Variants in TGIF2 observed in about 807,000 individuals in gnomAD.
TGIF2 encodes TGFB induced factor homeobox 2.
A neutral mutation model predicts 15.1 loss-of-function variants in TGIF2; 5 were observed. The observed-to-expected ratio is 0.33, with a 90% confidence interval of 0.17 to 0.70. TGIF2 has a LOEUF of 0.70. Among genes scored for constraint, TGIF2 ranks in the 30% least tolerant of loss-of-function variants. TGIF2 has a pLI of 0.67. For synonymous variants in TGIF2, 131 were observed against 128.9 expected (o/e 1.02, Z -0.11); for missense variants, 264 against 302.5 (o/e 0.87, Z 0.94).
At chr20:36,579,538 T>A (rs1353110903) in intron 2 of TGIF2, among the ~76,000 whole-genome samples, 1 of 152,154 alleles carries the variant, frequency 6.6e-6, no homozygotes, top group East Asian at 1.9e-4. Flanking sequence ...CATCCTTAAC[T>A]TTGGAGGCCA....
chr20:36,574,271 G>A (rs191508600), intron 1 of TGIF2, among the ~76,000 whole-genome samples: 36 of 152,102 alleles, frequency 2.4e-4, no homozygotes, highest in African/African-American at 8.7e-4. Flanking sequence ...CGAGGCATCT[G>A]TCACTCCCAG....
chr20:36,579,852 T>C (rs1420533876), intron 2 of TGIF2, among the ~76,000 whole-genome samples: 1 of 152,218 alleles, frequency 6.6e-6, no homozygotes, highest in Admixed American at 6.5e-5. Context: ...ACCATGCACA[T>C]GAACACACTC....
intron 2 of TGIF2, among the ~76,000 whole-genome samples, chr20:36,588,568 G>A (rs1195094728): frequency 1.3e-5 from 2 of 151,926 alleles, no homozygotes; most frequent in Admixed American, 1.3e-4. Flanking sequence ...CTCTAGTCAG[G>A]ATTCAGCTCA....
In TGIF2 at chr20:36,591,527, C is replaced by A; in HGVS notation, c.*96C>A. ...CAGAGGGTTTTCTATGGATCACTGC[C>A]AAACATTGGGATCATCTCCTCTGTC... On this transcript the variant is annotated 3_prime_UTR_variant, in exon 3 of 3. Coordinates refer to ENST00000373872, the MANE Select transcript of TGIF2 (RefSeq NM_021809.7). The surrounding 1 kb of genome is among the most constrained non-coding windows in gnomAD (Gnocchi z 5.3). 2 of 1,335,722 alleles carry A rather than the reference C, an allele frequency of 1.5e-6. No individual in the cohort carries two copies. Among genetic ancestry groups the A allele is most frequent in the Non-Finnish European group, 2.1e-6 (2 of 972,538 alleles). 82.7% of individuals were successfully genotyped at this position (1,335,722 alleles called of 1,614,324 possible).
At chr20:36,582,722 C>T (rs1488648000) in intron 2 of TGIF2, among the ~76,000 whole-genome samples, 1 of 152,214 alleles carries the variant, frequency 6.6e-6, no homozygotes, top group Non-Finnish European at 1.5e-5. Context: ...TGGTGGCCAC[C>T]TGCTCTAGAG....
Position 36,584,552 on chromosome 20 carries a change from A to T in TGIF2, c.192+5586A>T, listed in dbSNP as rs578226190. On this transcript the variant is annotated intron_variant, in intron 2 of 2. Transcript: ENST00000373872. ...CATTTTTTCCTGTATTTATTAATTA[A>T]TTTTTTTTTTTTTTGAGACGGAGTC... Among the ~76,000 whole-genome samples the T allele has an allele frequency of 6.9e-3, 1,009 of 145,432 alleles. 10 individuals carry two copies. Among genetic ancestry groups the T allele is most frequent in the African/African-American group, 0.024 (973 of 39,960 alleles).
chr20:36,588,523 G>A (rs951779430), intron 2 of TGIF2, among the ~76,000 whole-genome samples: 1 of 151,942 alleles, frequency 6.6e-6, no homozygotes, highest in Admixed American at 6.6e-5. Context: ...ACCACACCCT[G>A]CTAAGCCCTT....
chr20:36,582,358 A>T (rs2038564293), intron 2 of TGIF2, among the ~76,000 whole-genome samples: 1 of 152,226 alleles, frequency 6.6e-6, no homozygotes, highest in Admixed American at 6.5e-5. Context: ...TATAAAAAAA[A>T]AACCACTTCT....
chr20:36,576,101 A>AAAAG (rs533825772), intron 1 of TGIF2, among the ~76,000 whole-genome samples: 2,329 of 150,124 alleles, frequency 0.016, 26 homozygotes, highest in Non-Finnish European at 0.025. Flanking sequence ...CAAAAAAAAA[A>AAAAG]AAAGAAAGAA....
chr20:36,583,232 C>T (rs554162155), intron 2 of TGIF2, among the ~76,000 whole-genome samples: 3 of 151,698 alleles, frequency 2.0e-5, no homozygotes, highest in Non-Finnish European at 4.4e-5. Flanking sequence ...TGAGATCGCA[C>T]CACTGCACTC....
chr20:36,576,633 A>G (rs2038434800), intron 1 of TGIF2, among the ~76,000 whole-genome samples: 1 of 152,040 alleles, frequency 6.6e-6, no homozygotes, highest in Admixed American at 6.5e-5. Context: ...ATACCATGCA[A>G]TTCACCCATT....
chr20:36,591,979 A>G lies in TGIF2; in HGVS notation c.*548A>G, dbSNP rs2038776083. 1 of 153,844 alleles carries G rather than the reference A, an allele frequency of 6.5e-6. No homozygotes were observed. The highest frequency in any genetic ancestry group is 2.4e-5 in the African/African-American group (1 of 41,428). The allele number at this position is 153,844 out of a possible 1,614,324, so 9.5% of individuals were successfully genotyped here. On this transcript the variant is annotated 3_prime_UTR_variant, in exon 3 of 3. Coordinates refer to ENST00000373872, the MANE Select transcript of TGIF2 (RefSeq NM_021809.7). The surrounding 1 kb of genome is among the most constrained non-coding windows in gnomAD (Gnocchi z 5.3). ...TTGCATTCACGGCAGTAGTTAGCCC[A>G]GGTGTGGGGAACGAGAGTGCACTGC... is the stretch of plus-strand genomic sequence containing the variant.
intron 2 of TGIF2, among the ~76,000 whole-genome samples, chr20:36,589,002 T>C (rs1352220824): frequency 4.6e-5 from 7 of 152,192 alleles, no homozygotes; most frequent in South Asian, 2.1e-4. Context: ...TGGAGGACCA[T>C]AGAGGTGAAG....
rs2038770348 is a variant in TGIF2, at chr20:36,591,574, T to C, written c.*143T>C. The C allele has an allele frequency of 1.0e-5, 10 of 953,620 alleles. No individual in the cohort carries two copies. The highest frequency in any genetic ancestry group is 1.6e-5 in the Non-Finnish European group (10 of 645,010). The allele number at this position is 953,620 out of a possible 1,614,324, so 59.1% of individuals were successfully genotyped here. A position where few individuals can be genotyped will look rare whatever the true frequency, so the allele number is the denominator to read the frequency against. ...TGTCCAGAGGTCTTCAACAGGAAGATGCCAGCTGGCACCACTGCACTGTGA... is the reference window on the plus strand; with the variant it reads ...TGTCCAGAGGTCTTCAACAGGAAGACGCCAGCTGGCACCACTGCACTGTGA... On this transcript the variant is annotated 3_prime_UTR_variant, in exon 3 of 3. Coordinates refer to ENST00000373872, the MANE Select transcript of TGIF2 (RefSeq NM_021809.7). This position sits in a 1 kb window ranked among gnomAD's most constrained non-coding sequence, Gnocchi z 5.3.
At chr20:36,590,152 T>G (rs2038740072) in intron 2 of TGIF2, among the ~76,000 whole-genome samples, 1 of 152,152 alleles carries the variant, frequency 6.6e-6, no homozygotes, top group Non-Finnish European at 1.5e-5. Context: ...AGATGTGGTT[T>G]CACCATGTTG....
At chr20:36,586,901 T>A (rs2038671203) in intron 2 of TGIF2, among the ~76,000 whole-genome samples, 1 of 152,208 alleles carries the variant, frequency 6.6e-6, no homozygotes, top group Admixed American at 6.6e-5. Flanking sequence ...ACAGCCTTTG[T>A]CAGCCTCCTG....
At chr20:36,590,303 G>A (rs1480148922) in intron 2 of TGIF2, among the ~76,000 whole-genome samples, 3 of 152,014 alleles carry the variant, frequency 2.0e-5, no homozygotes. Flanking sequence ...ACTTGATCCT[G>A]TAGGCAGTAG....
chr20:36,582,205 C>T (rs955568982), intron 2 of TGIF2, among the ~76,000 whole-genome samples: 3 of 152,040 alleles, frequency 2.0e-5, no homozygotes, highest in Non-Finnish European at 4.4e-5. Context: ...CCATTACACT[C>T]CACCTGGGCC....
chr20:36,591,557 G>T lies in TGIF2; in HGVS notation c.*126G>T. The T allele has an allele frequency of 4.5e-6, 5 of 1,121,062 alleles. No individual in the cohort carries two copies. Among genetic ancestry groups the T allele is most frequent in the Non-Finnish European group, 5.1e-6 (4 of 788,390 alleles). The allele number at this position is 1,121,062 out of a possible 1,614,324, so 69.4% of individuals were successfully genotyped here. A position where few individuals can be genotyped will look rare whatever the true frequency, so the allele number is the denominator to read the frequency against. Reference sequence around the variant, plus strand: ...ATTGGGATCATCTCCTCTGTCCAGAGGTCTTCAACAGGAAGATGCCAGCTG... The same window carrying T: ...ATTGGGATCATCTCCTCTGTCCAGATGTCTTCAACAGGAAGATGCCAGCTG... On this transcript the variant is annotated 3_prime_UTR_variant, in exon 3 of 3. Coordinates refer to ENST00000373872, the MANE Select transcript of TGIF2 (RefSeq NM_021809.7). This position sits in a 1 kb window ranked among gnomAD's most constrained non-coding sequence, Gnocchi z 5.3.
Sources: allele counts gnomAD v4.1 joint callset (sites outside exome capture counted in the v4.1 genomes callset), GRCh38; gene constraint gnomAD v4.1.1; non-coding constraint Gnocchi (gnomAD v3.1); transcripts MANE v1.5; gene names NCBI Gene and HGNC (gene_info 2026-07-23, HGNC 2026-07-21).